The following BDP1 variants were observed in gnomAD, a reference collection of about 807,000 sequenced individuals.
The protein encoded by BDP1 is transcription factor TFIIIB component B'' homolog.
Under a neutral mutation model 266.6 loss-of-function variants are expected in BDP1, and 169 were observed. The observed-to-expected ratio is 0.63, with a 90% confidence interval of 0.56 to 0.72. The LOEUF (loss-of-function observed/expected upper bound fraction) is 0.72, where lower values mean the gene tolerates loss of function less well. BDP1 is among the 30% of genes least tolerant of loss of function. The pLI is 0.00. For missense variants in BDP1, 3,015 were observed against 3,053.8 expected, an observed-to-expected ratio of 0.99 and a Z score of 0.30; for synonymous variants, 1,090 against 1,022.4, an observed-to-expected ratio of 1.07 and a Z score of -1.26.
intron 25 of BDP1, among the ~76,000 whole-genome samples, chr5:71,525,423 G>A (rs1452718061): frequency 2.0e-4 from 27 of 133,046 alleles, no homozygotes; most frequent in South Asian, 2.6e-4. Flanking sequence ...CGGACGGGGC[G>A]GCTGGCCGGG....
intron 7 of BDP1, among the ~76,000 whole-genome samples, chr5:71,472,888 CTTTTTTTT>C (rs57109617): frequency 1.9e-5 from 1 of 53,944 alleles, no homozygotes; most frequent in African/African-American, 6.9e-5. Flanking sequence ...CTCTCTCTCT[CTTTTTTTT>C]TTTTTTTTTT....
At chr5:71,512,031 A>G (rs1465620749) in intron 17 of BDP1, among the ~76,000 whole-genome samples, 5 of 151,504 alleles carry the variant, frequency 3.3e-5, no homozygotes, top group African/African-American at 9.7e-5. Flanking sequence ...AGATAATGAC[A>G]TTTGTGGTTT....
chr5:71,558,501 G>C (rs1743388167), intron 36 of BDP1, among the ~76,000 whole-genome samples: 1 of 150,212 alleles, frequency 6.7e-6, no homozygotes, highest in South Asian at 2.1e-4. Flanking sequence ...CAGCCTGGGT[G>C]ACAGAGCAAA....
intron 36 of BDP1, among the ~76,000 whole-genome samples, chr5:71,558,794 C>T (rs969586685): frequency 1.2e-4 from 18 of 151,002 alleles, no homozygotes; most frequent in Non-Finnish European, 1.9e-4. Context: ...CCATTGCACT[C>T]CAGCCTGGGC....
intron 22 of BDP1, among the ~76,000 whole-genome samples, chr5:71,520,963 C>T (rs529479732): frequency 2.0e-5 from 3 of 151,918 alleles, no homozygotes; most frequent in African/African-American, 2.4e-5. Context: ...CCAAGGCGGG[C>T]GAATCACCTG....
Position 71,504,762 on chromosome 5 carries a change from T to C in BDP1, c.2372+11T>C. On this transcript the variant is annotated intron_variant, in intron 16 of 38. Transcript: ENST00000358731. ...TAATGAATGTCTAAGGTAAGCATCA[T>C]TTTGTTGATATATAATCTTTGGATT... 1 of 1,610,074 alleles carries C rather than the reference T, an allele frequency of 6.2e-7. No homozygotes were observed. The highest frequency in any genetic ancestry group is 8.5e-7 in the Non-Finnish European group (1 of 1,178,900).
At chr5:71,504,568 G>T in intron 15 of BDP1, 53 bp from the exon 16 acceptor site, 1 of 1,515,976 alleles carries the variant, frequency 6.6e-7, no homozygotes, top group Non-Finnish European at 9.0e-7. Flanking sequence ...AATGAAATCT[G>T]TTATGCCTCA....
chr5:71,553,852 T>A lies in BDP1; in HGVS notation c.7200+532T>A, dbSNP rs149069041. ...TCTGGCCACACTGGCCATCTTTCAA[T>A]TCCTTAAATGTCCCAGGACACTTCA... On this transcript the variant is annotated intron_variant, in intron 35 of 38. Transcript: ENST00000358731. 5.5e-3 allele frequency among the ~76,000 whole-genome samples: 831 copies of A among 152,312 alleles called. 8 individuals are homozygous for A. Among genetic ancestry groups the A allele is most frequent in the African/African-American group, 0.019 (797 of 41,572 alleles).
At chr5:71,463,178 G>T (rs1194887620) in intron 3 of BDP1, among the ~76,000 whole-genome samples, 1 of 152,136 alleles carries the variant, frequency 6.6e-6, no homozygotes, top group Non-Finnish European at 1.5e-5. Flanking sequence ...TGATCTAAAG[G>T]AGTGATCCAA....
chr5:71,482,921 T>C (rs1181663985), intron 7 of BDP1, among the ~76,000 whole-genome samples: 1 of 152,164 alleles, frequency 6.6e-6, no homozygotes, highest in Non-Finnish European at 1.5e-5. Flanking sequence ...TAATGTCATA[T>C]CAGGTTTTAA....
intron 26 of BDP1, among the ~76,000 whole-genome samples, chr5:71,534,394 AGAT>A (rs1766456208): frequency 6.6e-6 from 1 of 152,136 alleles, no homozygotes; most frequent in Non-Finnish European, 1.5e-5. Context: ...AGCTGACCAT[AGAT>A]GTATGGGTTT....
At chr5:71,461,759 A>G (rs903222103) in intron 2 of BDP1, 58 bp from the exon 3 acceptor site, 1 of 956,570 alleles carries the variant, frequency 1.0e-6, no homozygotes, top group Non-Finnish European at 1.7e-6. Context: ...ATTTGCATAT[A>G]GTACATCTGA....
intron 25 of BDP1, among the ~76,000 whole-genome samples, chr5:71,524,633 A>ATTTTTTATTTATTTT (rs1765682012): frequency 7.7e-6 from 1 of 129,476 alleles, no homozygotes; most frequent in South Asian, 2.8e-4. Flanking sequence ...TTATTTATTT[A>ATTTTTTATTTATTTT]TTTTTTATTT....
At chr5:71,526,526 G>C (rs1483641312) in intron 25 of BDP1, among the ~76,000 whole-genome samples, 1 of 141,734 alleles carries the variant, frequency 7.1e-6, no homozygotes, top group African/African-American at 2.6e-5. Flanking sequence ...TGAGACAGGA[G>C]AATTGCTTGA....
In BDP1 at chr5:71,516,217, G is replaced by A; in HGVS notation, c.4806G>A (p.Lys1602=). 9.9e-6 allele frequency: 16 copies of A among 1,613,422 alleles called. No homozygotes were observed. Among genetic ancestry groups the A allele is most frequent in the Non-Finnish European group, 1.3e-5 (15 of 1,179,626 alleles). The change falls in exon 21 of 39, where the codon AAG becomes AAA. Residue 1602 remains lysine, a synonymous_variant. Coordinates refer to ENST00000358731, the MANE Select transcript of BDP1 (RefSeq NM_018429.3). ...VDKGEAKGII[K]EGRTILPKDE... Reference sequence around the variant, plus strand: ...AAGGTGAAGCCAAAGGCATAATTAAGGAAGGAAGAACGATATTACCAAAAG... The same window carrying A: ...AAGGTGAAGCCAAAGGCATAATTAAAGAAGGAAGAACGATATTACCAAAAG...
At chr5:71,532,460 T>C (rs1486467744) in intron 26 of BDP1, 33 bp downstream of exon 26, 1 of 1,600,006 alleles carries the variant, frequency 6.2e-7, no homozygotes, top group Non-Finnish European at 8.5e-7. Flanking sequence ...TTTGGCCTTT[T>C]ATTCTTTGTT....
chr5:71,516,294 A>C, intron 21 of BDP1, 23 bp downstream of exon 21: 1 of 1,580,466 alleles, frequency 6.3e-7, no homozygotes, highest in African/African-American at 1.4e-5. Context: ...TATGTAATTA[A>C]ATTTAGCCTT....
At chr5:71,545,244 G>A (rs748806841) in intron 32 of BDP1, 25 bp downstream of exon 32, 3 of 1,579,420 alleles carry the variant, frequency 1.9e-6, no homozygotes, top group African/African-American at 2.7e-5. Context: ...AGTATAATAA[G>A]GGATAGCAAG....
chr5:71,574,599 A>C, the BDP1 span, among the ~76,000 whole-genome samples: 3 of 152,248 alleles, frequency 2.0e-5, no homozygotes, highest in African/African-American at 7.2e-5. Context: ...CACAGGATAC[A>C]TGGGACTAAT....
Sources: gnomAD v4.1 joint callset for allele counts (sites outside exome capture counted in the v4.1 genomes callset) on GRCh38, gnomAD v4.1.1 for gene constraint, MANE v1.5 for transcripts, NCBI Gene and HGNC (gene_info 2026-07-23, HGNC 2026-07-21) for gene names.